The following BBS5 variants were observed in gnomAD, a reference collection of about 807,000 sequenced individuals.
BBS5 encodes the protein Bardet-Biedl syndrome 5.
Under a neutral mutation model 50.2 loss-of-function variants are expected in BBS5, and 39 were observed. The observed-to-expected ratio is 0.78, with a 90% confidence interval of 0.60 to 1.01. The LOEUF is 1.01. BBS5 is among the 50% of genes least tolerant of loss of function. The probability of loss-of-function intolerance (pLI) is 0.00; values close to 1 mark genes in which losing one functional copy is unlikely to be tolerated. For missense variants in BBS5, 356 were observed against 401.5 expected (o/e 0.89, Z 0.97); for synonymous variants, 134 against 133.1 (o/e 1.01, Z -0.05).
intron 9 of BBS5, among the ~76,000 whole-genome samples, chr2:169,501,555 A>G (rs1183569700): frequency 6.6e-6 from 1 of 152,098 alleles, no homozygotes; most frequent in Non-Finnish European, 1.5e-5. Flanking sequence ...AAGACAACAT[A>G]GTGACACCCT....
intron 5 of BBS5, among the ~76,000 whole-genome samples, chr2:169,491,349 G>A (rs1190678876): frequency 6.6e-6 from 1 of 152,094 alleles, no homozygotes; most frequent in African/African-American, 2.4e-5. Context: ...CACTGGTTAA[G>A]TATTGATGAT....
chr2:169,485,766 C>G (rs1261245559), intron 2 of BBS5, among the ~76,000 whole-genome samples: 1 of 152,184 alleles, frequency 6.6e-6, no homozygotes, highest in Non-Finnish European at 1.5e-5. Context: ...ACTCTGGCTT[C>G]CAGTTGGAAG....
At chr2:169,504,254 C>T (rs773728157) in intron 10 of BBS5, 49 bp from the exon 11 acceptor site, 19 of 1,546,460 alleles carry the variant, frequency 1.2e-5, no homozygotes, top group South Asian at 7.8e-5. Context: ...CTGATCTATT[C>T]GAATATTATA....
At chr2:169,496,287 C>G (rs1315628490) in intron 7 of BBS5, among the ~76,000 whole-genome samples, 5 of 152,236 alleles carry the variant, frequency 3.3e-5, no homozygotes, top group African/African-American at 1.2e-4. Context: ...CTATCTTCCA[C>G]TAACCAAGCT....
intron 6 of BBS5, 42 bp from the exon 7 acceptor site, chr2:169,493,699 A>G: frequency 7.3e-7 from 1 of 1,366,250 alleles, no homozygotes; most frequent in South Asian, 1.2e-5. Context: ...AATAGGTACC[A>G]AAAAAATGAT....
chr2:169,482,242 T>G lies in BBS5; in HGVS notation c.60-9T>G, dbSNP rs1196538202. 1.9e-6 allele frequency: 3 copies of G among 1,586,050 alleles called. No individual in the cohort carries two copies. In the East Asian group the frequency reaches 6.7e-5, roughly 36 times the overall value. ...AGCTATAAAATTCAAACCTTTATAT[T>G]CACTTTAGGCAAATGAAAACAAGAC... On this transcript the variant is annotated splice_polypyrimidine_tract_variant and intron_variant, in intron 1 of 11. Coordinates refer to ENST00000295240, the MANE Select transcript of BBS5 (RefSeq NM_152384.3).
Position 169,504,723 on chromosome 2 carries a change from A to C in BBS5, c.*141A>C. On this transcript the variant is annotated 3_prime_UTR_variant, in exon 12 of 12. Coordinates refer to ENST00000295240, the MANE Select transcript of BBS5 (RefSeq NM_152384.3). ...GTAAGAGTTTTTTTAATGATTGAGGAAAAAGTCATTTAGAAAACTTCAGTT... is the reference window on the plus strand; with the variant it reads ...GTAAGAGTTTTTTTAATGATTGAGGCAAAAGTCATTTAGAAAACTTCAGTT... 1.7e-6 allele frequency: 2 copies of C among 1,211,094 alleles called. No individual in the cohort carries two copies. The allele number at this position is 1,211,094 out of a possible 1,614,324, so 75.0% of individuals were successfully genotyped here.
intron 1 of BBS5, among the ~76,000 whole-genome samples, chr2:169,480,272 C>A (rs913088397): frequency 6.6e-6 from 1 of 152,072 alleles, no homozygotes; most frequent in South Asian, 2.1e-4. Flanking sequence ...TGGAAAGTAT[C>A]GTAAAGAAAA....
At chr2:169,500,901 G>A (rs1460818671) in intron 9 of BBS5, among the ~76,000 whole-genome samples, 1 of 151,956 alleles carries the variant, frequency 6.6e-6, no homozygotes, top group Admixed American at 6.6e-5. Context: ...TCACCTGCTC[G>A]TTCAGCTTCT....
Position 169,505,255 on chromosome 2 carries a change from T to G in BBS5, c.*673T>G. ...TGCAGACGGAGTCTGGTTCACTTAG[T>G]GCTCAATGGTGCCCAGGCTGGAGTG... On this transcript the variant is annotated 3_prime_UTR_variant, in exon 12 of 12. Coordinates refer to ENST00000295240, the MANE Select transcript of BBS5 (RefSeq NM_152384.3). 1 of 433,216 alleles carries G rather than the reference T, an allele frequency of 2.3e-6. No homozygotes were observed. The highest frequency in any genetic ancestry group is 4.3e-6 in the Non-Finnish European group (1 of 231,044). The allele number at this position is 433,216 out of a possible 1,614,324, so 26.8% of individuals were successfully genotyped here.
At chr2:169,496,300 G>A (rs1396534862) in intron 7 of BBS5, among the ~76,000 whole-genome samples, 1 of 152,158 alleles carries the variant, frequency 6.6e-6, no homozygotes, top group East Asian at 1.9e-4. Flanking sequence ...ACCAAGCTTA[G>A]TCCTCACATC....
At chr2:169,493,208 G>A (rs1250482025) in intron 6 of BBS5, 199 bp downstream of exon 6, 3 of 625,508 alleles carry the variant, frequency 4.8e-6, no homozygotes, top group South Asian at 1.9e-5. Flanking sequence ...TGATAATCCT[G>A]GAATGTCTCC....
intron 2 of BBS5, among the ~76,000 whole-genome samples, chr2:169,482,970 C>T (rs1683426683): frequency 6.6e-6 from 1 of 151,978 alleles, no homozygotes; most frequent in Admixed American, 6.6e-5. Flanking sequence ...GTCTTGAAAG[C>T]ATCATTACTT....
chr2:169,496,868 C>CAA (rs1172725532), intron 7 of BBS5, among the ~76,000 whole-genome samples: 1 of 126,676 alleles, frequency 7.9e-6, no homozygotes, highest in African/African-American at 2.9e-5. Flanking sequence ...GACTCCGTCT[C>CAA]AAAAAAAAAA....
chr2:169,490,318 C>T (rs1440186147), intron 5 of BBS5, among the ~76,000 whole-genome samples: 1 of 151,316 alleles, frequency 6.6e-6, no homozygotes, highest in Non-Finnish European at 1.5e-5. Context: ...CTCAGCCTCC[C>T]GAGTAGCTGG....
chr2:169,479,567 A>T lies in BBS5; in HGVS notation c.14A>T (p.Asp5Val), dbSNP rs186324367. 8.7e-6 allele frequency: 14 copies of T among 1,614,146 alleles called. No individual in the cohort carries two copies. Among genetic ancestry groups the T allele is most frequent in the Non-Finnish European group, 2.5e-6 (3 of 1,179,998 alleles). MSVL[D>V]ALWEDRDVRF... ...GCCTTGTTCACCATGTCGGTGCTGG[A>T]TGCGCTTTGGGAGGATCGGGATGTC... Residue 5 changes from aspartate (D) to valine (V), a missense_variant, in exon 1 of 12, where the codon GAT becomes GTT. Coordinates refer to ENST00000295240, the MANE Select transcript of BBS5 (RefSeq NM_152384.3).
At chr2:169,504,418 GT>G (rs1234692089) in intron 11 of BBS5, 62 bp from the exon 12 acceptor site, 4 of 1,584,204 alleles carry the variant, frequency 2.5e-6, no homozygotes, top group Non-Finnish European at 3.5e-6. Context: ...CTATTTTTTT[GT>G]TTTTTTCCTC....
At chr2:169,493,615 G>T (rs1361134005) in intron 6 of BBS5, 126 bp from the exon 7 acceptor site, 2 of 725,230 alleles carry the variant, frequency 2.8e-6, no homozygotes, top group Non-Finnish European at 5.0e-6. Context: ...ATCAATGAAT[G>T]ATGAAGTCAT....
intron 2 of BBS5, among the ~76,000 whole-genome samples, chr2:169,484,006 G>A (rs1265034153): frequency 6.6e-6 from 1 of 152,108 alleles, no homozygotes; most frequent in Non-Finnish European, 1.5e-5. Context: ...TTCATTGAGC[G>A]CAGAATCCTA....
Sources: gnomAD v4.1 joint callset for allele counts (sites outside exome capture counted in the v4.1 genomes callset) on GRCh38, gnomAD v4.1.1 for gene constraint, MANE v1.5 for transcripts, NCBI Gene and HGNC (gene_info 2026-07-23, HGNC 2026-07-21) for gene names.